The following GRIN3A variants were observed in gnomAD, a reference collection of about 807,000 sequenced individuals.
GRIN3A encodes the protein glutamate receptor ionotropic, NMDA 3A.
GRIN3A carries 47 observed loss-of-function variants against 92.4 expected under a neutral mutation model. The observed-to-expected ratio is 0.51, with a 90% CI of 0.40 to 0.65. The LOEUF is 0.65. Among genes scored for constraint, GRIN3A ranks in the 30% least tolerant of loss-of-function variants. The probability of loss-of-function intolerance (pLI) is 0.00; values close to 1 mark genes in which losing one functional copy is unlikely to be tolerated. For synonymous variants in GRIN3A, 527 were observed against 540.6 expected (o/e 0.97, Z 0.35); for missense variants, 1,324 against 1,393.1 (o/e 0.95, Z 0.79).
rs61683094 is a variant in GRIN3A at position 101,650,986 on chromosome 9, C to T, written c.2352+19074G>A. ...TTTCCCTTTTATCTATTTTTTATTT[C>T]GTGAGTCAGGATGTAGTATAAATAT... On this transcript the variant is annotated intron_variant, in intron 3 of 8. Transcript: ENST00000361820. Among the ~76,000 whole-genome samples the T allele has an allele frequency of 7.5e-3, 1,135 of 151,864 alleles. 12 individuals carry two copies. The highest frequency in any genetic ancestry group is 0.026 in the African/African-American group (1,076 of 41,444).
intron 5 of GRIN3A, among the ~76,000 whole-genome samples, chr9:101,619,846 T>C (rs945292979): frequency 6.6e-6 from 1 of 152,254 alleles, no homozygotes; most frequent in African/African-American, 2.4e-5. Context: ...TATTCATTTA[T>C]CTCAACACTT....
intron 2 of GRIN3A, among the ~76,000 whole-genome samples, chr9:101,684,925 G>C (rs1036656910): frequency 6.6e-6 from 1 of 152,136 alleles, no homozygotes; most frequent in South Asian, 2.1e-4. Context: ...TTGTAAAGGA[G>C]AATGTTTCTT....
chr9:101,688,736 T>C (rs1033503087), intron 1 of GRIN3A, among the ~76,000 whole-genome samples: 2 of 152,258 alleles, frequency 1.3e-5, no homozygotes, highest in Non-Finnish European at 1.5e-5. Context: ...CTGGCTGTTA[T>C]GGTGAAACCC....
intron 6 of GRIN3A, chr9:101,591,809 A>G (rs1354822673): frequency 6.6e-6 from 1 of 152,244 alleles, no homozygotes; most frequent in Non-Finnish European, 1.5e-5. Context: ...GGTCATTGCC[A>G]CAAAGCCTTA....
chr9:101,625,223 A>G (rs539588571), intron 4 of GRIN3A, among the ~76,000 whole-genome samples: 56 of 152,206 alleles, frequency 3.7e-4, no homozygotes, highest in African/African-American at 1.2e-3. Flanking sequence ...AAAAGAAAGG[A>G]TTTTCTACCC....
intron 6 of GRIN3A, among the ~76,000 whole-genome samples, chr9:101,583,190 G>A (rs1490557863): frequency 6.6e-6 from 1 of 152,180 alleles, no homozygotes; most frequent in African/African-American, 2.4e-5. Flanking sequence ...TGCGGATCCA[G>A]GACTGTCTGA....
chr9:101,699,002 A>G (rs373534434), intron 1 of GRIN3A, among the ~76,000 whole-genome samples: 2 of 152,210 alleles, frequency 1.3e-5, no homozygotes, highest in African/African-American at 4.8e-5. Context: ...TCTTTCTTCA[A>G]TAGTAAATTA....
At position 101,738,170 on chromosome 9, in the gene GRIN3A, C is replaced by T. The variant is rs1588304887; in HGVS notation, c.-191G>A. On this transcript the variant is annotated 5_prime_UTR_variant, in exon 1 of 9. Coordinates refer to ENST00000361820, the MANE Select transcript of GRIN3A (RefSeq NM_133445.3). ...AGCGCGCCTCCGGCAGTCTCAGATC[C>T]CGCTCCCAGGTCCCTCCGCCTGGCA... The T allele has an allele frequency of 1.1e-5, 7 of 652,798 alleles. No homozygotes were observed. The East Asian group carries it at 1.9e-4, about 18-fold the overall frequency. The allele number at this position is 652,798 out of a possible 1,614,324, so 40.4% of individuals were successfully genotyped here. A position where few individuals can be genotyped will look rare whatever the true frequency, so the allele number is the denominator to read the frequency against.
At chr9:101,654,904 T>C (rs1269912961) in intron 3 of GRIN3A, among the ~76,000 whole-genome samples, 1 of 151,904 alleles carries the variant, frequency 6.6e-6, no homozygotes, top group East Asian at 1.9e-4. Context: ...TTGTCTGCTA[T>C]TGTATTCCTA....
At chr9:101,573,670 T>C (rs534124678) in intron 8 of GRIN3A, among the ~76,000 whole-genome samples, 157 bp from the exon 9 acceptor site, 1 of 151,924 alleles carries the variant, frequency 6.6e-6, no homozygotes, top group African/African-American at 2.4e-5. Context: ...TAGGGTGTCA[T>C]GGGGCAATAA....
In GRIN3A at chr9:101,693,927, C is replaced by T. The variant is rs533346962; in HGVS notation, c.700-6727G>A. 6.6e-5 allele frequency among the ~76,000 whole-genome samples: 10 copies of T among 152,296 alleles called. No individual in the cohort carries two copies. The South Asian group carries it at 2.1e-3, about 32-fold the overall frequency. ...TTCATGGTCAAAATTATATTCTAGACTATGTTCAACACCACATATGGGGAT... is the reference window on the plus strand; with the variant it reads ...TTCATGGTCAAAATTATATTCTAGATTATGTTCAACACCACATATGGGGAT... On this transcript the variant is annotated intron_variant, in intron 1 of 8. Transcript: ENST00000361820.
In GRIN3A at chr9:101,597,497, CCA is replaced by C. The variant is rs140272557; in HGVS notation, c.2766+15877_2766+15878del. ...CCTTCAGTTTTGCCAACTGAATAGG[CCA>C]CAGATCCTGCTATAGTTACAGGCCT... On this transcript the variant is annotated intron_variant, in intron 6 of 8. Coordinates refer to ENST00000361820, the MANE Select transcript of GRIN3A (RefSeq NM_133445.3). Among the ~76,000 whole-genome samples, 636 of 152,304 alleles carry C rather than the reference CCA, an allele frequency of 4.2e-3. 7 individuals carry two copies. Among genetic ancestry groups the C allele is most frequent in the African/African-American group, 0.015 (616 of 41,572 alleles).
intron 1 of GRIN3A, among the ~76,000 whole-genome samples, chr9:101,687,583 C>A (rs1016379416): frequency 1.1e-4 from 16 of 152,024 alleles, no homozygotes; most frequent in African/African-American, 3.9e-4. Flanking sequence ...ATCTCATACG[C>A]AATAAGGAGA....
At chr9:101,658,883 C>T (rs1341191951) in intron 3 of GRIN3A, among the ~76,000 whole-genome samples, 1 of 151,722 alleles carries the variant, frequency 6.6e-6, no homozygotes, top group Non-Finnish European at 1.5e-5. Context: ...TCACAACAGA[C>T]CTGAACTCTG....
intron 1 of GRIN3A, among the ~76,000 whole-genome samples, chr9:101,712,365 G>T (rs545913976): frequency 6.6e-6 from 1 of 152,292 alleles, no homozygotes; most frequent in Non-Finnish European, 1.5e-5. Flanking sequence ...ACTACAGAGT[G>T]CAATTCTTCC....
At chr9:101,594,674 C>T (rs745440244) in intron 6 of GRIN3A, 1 of 1,614,206 alleles carries the variant, frequency 6.2e-7, no homozygotes, top group Non-Finnish European at 8.5e-7. Context: ...GCCCTTGACG[C>T]TGAACTGGGA....
chr9:101,577,739 A>G (rs771950587), intron 8 of GRIN3A, 29 bp downstream of exon 8: 2 of 1,484,216 alleles, frequency 1.3e-6, no homozygotes, highest in Admixed American at 1.7e-5. Context: ...TTACAAATAT[A>G]AAGACAGTTG....
intron 3 of GRIN3A, among the ~76,000 whole-genome samples, chr9:101,641,919 TTTGA>T (rs1287446784): frequency 6.6e-6 from 1 of 152,204 alleles, no homozygotes; most frequent in African/African-American, 2.4e-5. Flanking sequence ...GTGGTAGCTA[TTTGA>T]TTGTTTGATA....
chr9:101,725,428 A>G (rs548257538), intron 1 of GRIN3A, among the ~76,000 whole-genome samples: 1 of 152,358 alleles, frequency 6.6e-6, no homozygotes, highest in African/African-American at 2.4e-5. Context: ...GGAAAGCAAC[A>G]GAACCTGGTA....
Sources: allele counts gnomAD v4.1 joint callset (sites outside exome capture counted in the v4.1 genomes callset), GRCh38; gene constraint gnomAD v4.1.1; transcripts MANE v1.5; gene names NCBI Gene and HGNC (gene_info 2026-07-23, HGNC 2026-07-21).